HAVCR1: variants seen among roughly 807,000 people sequenced by gnomAD.
HAVCR1 encodes the protein hepatitis A virus cellular receptor 1, also known as T cell immunoglobin domain and mucin domain protein 1.
HAVCR1 carries 34 observed loss-of-function variants against 32.0 expected under a neutral mutation model. That is an observed-to-expected ratio of 1.06 (90% confidence interval 0.81 to 1.42). The LOEUF is 1.42. Ranked by LOEUF, HAVCR1 falls within the 40% of genes most tolerant of loss-of-function variation. The probability of loss-of-function intolerance (pLI) is 0.00; values close to 1 mark genes in which losing one functional copy is unlikely to be tolerated. For missense variants in HAVCR1, 420 were observed against 442.3 expected (o/e 0.95, Z 0.45); for synonymous variants, 178 against 170.3 (o/e 1.05, Z -0.35).
intron 6 of HAVCR1, 134 bp downstream of exon 6, chr5:157,042,493 T>G (rs1330895103): frequency 1.8e-6 from 1 of 561,510 alleles, no homozygotes; most frequent in African/African-American, 1.9e-5. Flanking sequence ...TGAAATTATT[T>G]TCTTCAACTT....
the HAVCR1 span, among the ~76,000 whole-genome samples, chr5:157,069,117 C>T: frequency 1.3e-5 from 2 of 152,188 alleles, no homozygotes; most frequent in Non-Finnish European, 2.9e-5. Context: ...AGTTTTTCCT[C>T]CTATTTCTCA....
intron 7 of HAVCR1, among the ~76,000 whole-genome samples, chr5:157,035,840 A>C (rs1754494414): frequency 6.6e-6 from 1 of 152,198 alleles, no homozygotes; most frequent in Non-Finnish European, 1.5e-5. Flanking sequence ...TACAGATAAA[A>C]ACAATACAAT....
rs753914129 is a variant in HAVCR1 at position 157,029,659 on chromosome 5, G to T, written c.*74C>A. 6.2e-7 allele frequency: 1 copy of T among 1,601,132 alleles called. No individual in the cohort carries two copies. On this transcript the variant is annotated 3_prime_UTR_variant, in exon 9 of 9. Coordinates refer to ENST00000523175, the MANE Select transcript of HAVCR1 (RefSeq NM_001173393.3). ...AGAAAAATTGTCTTGGGGTCTAAAA[G>T]ACGTCTGATGTGCTGATGTCTGTTC...
intron 5 of HAVCR1, among the ~76,000 whole-genome samples, chr5:157,045,510 G>A (rs1231843537): frequency 6.6e-6 from 1 of 152,168 alleles, no homozygotes; most frequent in East Asian, 1.9e-4. Context: ...AAAGAGGAAT[G>A]TTCAACAATT....
intron 7 of HAVCR1, among the ~76,000 whole-genome samples, chr5:157,036,023 C>T (rs1754507336): frequency 6.6e-6 from 1 of 152,138 alleles, no homozygotes; most frequent in African/African-American, 2.4e-5. Context: ...AACCAATCCC[C>T]CAAGGGTACT....
chr5:157,058,395 C>G (rs1756357050), intron 1 of HAVCR1: 1 of 154,474 alleles, frequency 6.5e-6, no homozygotes, highest in African/African-American at 2.4e-5. Flanking sequence ...AACCCCGTCT[C>G]TACTAAAAAT....
Position 157,045,592 on chromosome 5 carries a change from G to A in HAVCR1, c.782-2910C>T, listed in dbSNP as rs145014994. Among the ~76,000 whole-genome samples the A allele has an allele frequency of 4.6e-5, 7 of 152,084 alleles. No individual in the cohort carries two copies. In the East Asian group the frequency reaches 7.7e-4, roughly 17 times the overall value. On this transcript the variant is annotated intron_variant, in intron 5 of 8. Transcript: ENST00000523175. ...TGTGTCTCCAGAGCAGATTTATAGC[G>A]CCTCCTCAATCTGGCAATAGCATTA...
chr5:157,062,178 T>C (rs1446447936), upstream of HAVCR1, among the ~76,000 whole-genome samples: 2 of 152,136 alleles, frequency 1.3e-5, no homozygotes, highest in African/African-American at 4.8e-5. Context: ...GAGCTGCATC[T>C]GTATAAACCA....
chr5:157,064,563 T>A, the HAVCR1 span, among the ~76,000 whole-genome samples: 3 of 151,838 alleles, frequency 2.0e-5, no homozygotes, highest in African/African-American at 7.3e-5. Context: ...TTCCAGCCAA[T>A]TAAGACAAGG....
chr5:157,040,582 T>C (rs1007791614), intron 6 of HAVCR1, among the ~76,000 whole-genome samples: 18 of 152,252 alleles, frequency 1.2e-4, no homozygotes, highest in Non-Finnish European at 2.4e-4. Flanking sequence ...CACGTTGTCA[T>C]TTCTTACAAC....
At chr5:157,036,507 T>G (rs1277137423) in intron 7 of HAVCR1, among the ~76,000 whole-genome samples, 3 of 152,204 alleles carry the variant, frequency 2.0e-5, no homozygotes, top group Non-Finnish European at 4.4e-5. Context: ...ATTAAATTTT[T>G]TCCATAGGGG....
At chr5:157,034,880 T>A (rs987099150) in intron 7 of HAVCR1, among the ~76,000 whole-genome samples, 4 of 152,112 alleles carry the variant, frequency 2.6e-5, no homozygotes, top group African/African-American at 9.7e-5. Context: ...ATTAACAGCA[T>A]CTCAAGGCAG....
rs201566425 is a variant in HAVCR1 at position 157,052,479 on chromosome 5, T to C, written c.555A>G (p.Ser185=). Residue 185 remains serine (S), a synonymous_variant, in exon 4 of 9, where the codon TCA becomes TCG. Coordinates refer to ENST00000523175, the MANE Select transcript of HAVCR1 (RefSeq NM_001173393.3). ...TTTVLTTMTV[S]TTTSVPTTTS... ...TTGTCGTTGGAACGCTCGTTGTCGT[T>C]GAAACAGTCATTGTCGTCAGAACAG... 511 of 1,603,132 alleles carry C rather than the reference T, an allele frequency of 3.2e-4. 1 individual carries two copies. The highest frequency in any genetic ancestry group is 3.7e-4 in the Non-Finnish European group (439 of 1,173,266).
At chr5:157,059,939 A>G (rs1359475288), upstream of HAVCR1, among the ~76,000 whole-genome samples, 1 of 152,182 alleles carries the variant, frequency 6.6e-6, no homozygotes, top group Non-Finnish European at 1.5e-5. Context: ...TGATTGTGCC[A>G]CTGCACACCA....
chr5:157,053,635 C>A (rs1290651254), intron 3 of HAVCR1, among the ~76,000 whole-genome samples: 3 of 151,952 alleles, frequency 2.0e-5, no homozygotes, highest in Admixed American at 2.0e-4. Context: ...TTTGGGAGGC[C>A]GAGGCGGGTA....
chr5:157,052,473 TGTC>T lies in HAVCR1; in HGVS notation c.558_560del (p.Thr188del). 2 of 1,603,108 alleles carry T rather than the reference TGTC, an allele frequency of 1.2e-6. No homozygotes were observed. The highest frequency in any genetic ancestry group is 1.7e-5 in the Admixed American group (1 of 58,926). Reference sequence around the variant, plus strand: ...TGCTCGTTGTCGTTGGAACGCTCGTTGTCGTTGAAACAGTCATTGTCGTCAGAA... The same window carrying T: ...TGCTCGTTGTCGTTGGAACGCTCGTTGTTGAAACAGTCATTGTCGTCAGAA... On this transcript the variant is annotated inframe_deletion, in exon 4 of 9. Transcript: ENST00000523175.
chr5:157,067,853 T>C, the HAVCR1 span, among the ~76,000 whole-genome samples: 1 of 152,200 alleles, frequency 6.6e-6, no homozygotes, highest in Admixed American at 6.5e-5. Context: ...ATTTTTTGTA[T>C]TTTTAGTAGA....
chr5:157,053,825 G>A (rs185887000), intron 3 of HAVCR1, among the ~76,000 whole-genome samples: 5 of 146,006 alleles, frequency 3.4e-5, no homozygotes, highest in East Asian at 2.1e-4. Context: ...AGCTGAGATC[G>A]CATCACTGCA....
rs1755805722 is a variant in HAVCR1 at position 157,052,491 on chromosome 5, T to C, written c.543A>G (p.Thr181=). The C allele has an allele frequency of 6.2e-7, 1 of 1,602,790 alleles. No individual in the cohort carries two copies. The highest frequency in any genetic ancestry group is 1.7e-5 in the Admixed American group (1 of 58,886). The change falls in exon 4 of 9, where the codon ACA becomes ACG. Residue 181 remains threonine (T), a synonymous_variant. Transcript: ENST00000523175. ...SIPTTTTVLT[T]MTVSTTTSVP... ...CGCTCGTTGTCGTTGAAACAGTCAT[T>C]GTCGTCAGAACAGTCGTTGTCGTTG...
Sources: gnomAD v4.1 joint callset for allele counts (sites outside exome capture counted in the v4.1 genomes callset) on GRCh38, gnomAD v4.1.1 for gene constraint, MANE v1.5 for transcripts, NCBI Gene and HGNC (gene_info 2026-07-23, HGNC 2026-07-21) for gene names.